Variants in TENM2 observed in about 807,000 individuals in gnomAD.
TENM2 encodes teneurin-2.
In TENM2, 52 loss-of-function variants were observed where a neutral mutation model predicts 245.2. The observed-to-expected ratio is 0.21, with a 90% CI of 0.17 to 0.27. The LOEUF (loss-of-function observed/expected upper bound fraction) is 0.27, where lower values mean the gene tolerates loss of function less well. TENM2 is among the 10% of genes least tolerant of loss of function. The pLI, the probability that TENM2 is intolerant of heterozygous loss-of-function variation, is 1.00. For missense variants in TENM2, 3,046 were observed against 3,666.8 expected, an observed-to-expected ratio of 0.83 and a Z score of 4.37; for synonymous variants, 1,363 against 1,438.9, an observed-to-expected ratio of 0.95 and a Z score of 1.19.
intron 25 of TENM2, among the ~76,000 whole-genome samples, chr5:168,230,645 T>G (rs572826077): frequency 2.0e-5 from 3 of 151,450 alleles, no homozygotes; most frequent in Non-Finnish European, 2.9e-5. Flanking sequence ...CTATCTATCT[T>G]AGTCTTGCTG....
At chr5:168,018,070 G>C (rs1395266037) in intron 5 of TENM2, among the ~76,000 whole-genome samples, 2 of 152,174 alleles carry the variant, frequency 1.3e-5, no homozygotes, top group African/African-American at 4.8e-5. Context: ...CTGGCAAAAT[G>C]GAGAAATTAA....
At chr5:167,417,532 C>A (rs548591569) in intron 2 of TENM2, among the ~76,000 whole-genome samples, 4 of 152,314 alleles carry the variant, frequency 2.6e-5, no homozygotes, top group South Asian at 2.1e-4. Context: ...CTCTATCTTA[C>A]CCTTTCCCTA....
At chr5:168,122,715 AT>A (rs377512006) in intron 10 of TENM2, among the ~76,000 whole-genome samples, 22 of 151,680 alleles carry the variant, frequency 1.5e-4, no homozygotes, top group South Asian at 1.3e-3. Flanking sequence ...TGTACCCCTG[AT>A]TTTTTTTTAA....
chr5:167,017,547 C>T, the TENM2 span, among the ~76,000 whole-genome samples: 1 of 152,174 alleles, frequency 6.6e-6, no homozygotes, highest in Non-Finnish European at 1.5e-5. Flanking sequence ...TGGGGTGGGC[C>T]ATGGGCTCTA....
chr5:167,801,699 A>C (rs1561796620), intron 2 of TENM2, among the ~76,000 whole-genome samples: 1 of 152,144 alleles, frequency 6.6e-6, no homozygotes, highest in African/African-American at 2.4e-5. Flanking sequence ...GCCTCCTGAG[A>C]GATGGCCAGG....
intron 2 of TENM2, among the ~76,000 whole-genome samples, chr5:167,708,957 C>CTTT (rs1758721998): frequency 6.6e-6 from 1 of 152,162 alleles, no homozygotes. Context: ...CATTCTTTCC[C>CTTT]TTTTATGAAA....
At chr5:167,023,566 A>G in the TENM2 span, among the ~76,000 whole-genome samples, 1 of 152,202 alleles carries the variant, frequency 6.6e-6, no homozygotes, top group South Asian at 2.1e-4. Flanking sequence ...TAAAAATGTC[A>G]TTCTTTTGTT....
At chr5:166,979,356 G>A in the TENM2 span, among the ~76,000 whole-genome samples, 1 of 151,984 alleles carries the variant, frequency 6.6e-6, no homozygotes, top group African/African-American at 2.4e-5. Context: ...CTTGGTCTTT[G>A]GGATTATTTT....
intron 2 of TENM2, among the ~76,000 whole-genome samples, chr5:167,462,566 A>G (rs78622456): frequency 0.034 from 5,233 of 152,096 alleles, 317 homozygotes; most frequent in East Asian, 0.2. Context: ...ACTGGGATGG[A>G]TGGGGAGCTG....
intron 2 of TENM2, among the ~76,000 whole-genome samples, chr5:167,737,708 G>A (rs1760898842): frequency 6.6e-6 from 1 of 152,192 alleles, no homozygotes; most frequent in Admixed American, 6.5e-5. Context: ...ATTCAGGGAT[G>A]TTCAGGGCTG....
intron 2 of TENM2, among the ~76,000 whole-genome samples, chr5:167,697,807 G>A (rs1340019375): frequency 2.6e-5 from 4 of 152,198 alleles, no homozygotes; most frequent in Non-Finnish European, 5.9e-5. Context: ...TTACAGGTGT[G>A]AGCCACTGCA....
intron 2 of TENM2, among the ~76,000 whole-genome samples, chr5:167,416,929 T>C (rs1266451952): frequency 2.0e-5 from 3 of 152,212 alleles, no homozygotes. Flanking sequence ...ATCAATCAAA[T>C]GATGTTTGAT....
At chr5:167,928,413 C>T (rs1001304409) in intron 3 of TENM2, among the ~76,000 whole-genome samples, 10 of 152,126 alleles carry the variant, frequency 6.6e-5, no homozygotes, top group Admixed American at 3.3e-4. Flanking sequence ...ATATTACTAA[C>T]GTATCCCAGG....
At chr5:167,793,752 C>A (rs1177174738) in intron 2 of TENM2, among the ~76,000 whole-genome samples, 1 of 151,682 alleles carries the variant, frequency 6.6e-6, no homozygotes, top group Non-Finnish European at 1.5e-5. Flanking sequence ...AGGAGGATCA[C>A]TTGATCCCAA....
the TENM2 span, among the ~76,000 whole-genome samples, chr5:167,097,312 G>A: frequency 1.3e-5 from 2 of 152,244 alleles, no homozygotes; most frequent in East Asian, 3.9e-4. Context: ...GTGGGGCCTT[G>A]GCCAAGATTT....
At chr5:168,068,695 A>G (rs927071668) in intron 7 of TENM2, among the ~76,000 whole-genome samples, 2 of 152,158 alleles carry the variant, frequency 1.3e-5, no homozygotes, top group African/African-American at 4.8e-5. Flanking sequence ...AAAACATACT[A>G]AAGGAAAGGC....
At chr5:167,002,257 T>C in the TENM2 span, among the ~76,000 whole-genome samples, 2 of 152,206 alleles carry the variant, frequency 1.3e-5, no homozygotes, top group African/African-American at 4.8e-5. Flanking sequence ...AAACTTGTTA[T>C]ATTGCCTAAA....
At chr5:168,112,631 T>C (rs1310953857) in intron 9 of TENM2, among the ~76,000 whole-genome samples, 2 of 150,058 alleles carry the variant, frequency 1.3e-5, no homozygotes, top group Non-Finnish European at 1.5e-5. Flanking sequence ...ACTTTATTAC[T>C]TTTCTACCAG....
chr5:167,224,967 A>G, the TENM2 span, among the ~76,000 whole-genome samples: 5 of 151,880 alleles, frequency 3.3e-5, no homozygotes, highest in African/African-American at 1.2e-4. Flanking sequence ...CATGGCTTAT[A>G]TAATTGGGAT....
Sources: allele counts gnomAD v4.1 joint callset (sites outside exome capture counted in the v4.1 genomes callset), GRCh38; gene constraint gnomAD v4.1.1; transcripts MANE v1.5; gene names NCBI Gene and HGNC (gene_info 2026-07-23, HGNC 2026-07-21).